Variants in NEGR1 observed in about 807,000 individuals in gnomAD.
NEGR1 encodes the protein neuronal growth regulator 1.
A neutral mutation model predicts 40.9 loss-of-function variants in NEGR1; 10 were observed. That is an observed-to-expected ratio of 0.24 (90% confidence interval 0.15 to 0.42). NEGR1 has a LOEUF of 0.42. Among genes scored for constraint, NEGR1 ranks in the 10% least tolerant of loss-of-function variants. The pLI is 1.00. For missense variants in NEGR1, 352 were observed against 438.9 expected (o/e 0.80, Z 1.77); for synonymous variants, 185 against 166.8 (o/e 1.11, Z -0.84).
intron 2 of NEGR1, among the ~76,000 whole-genome samples, chr1:71,884,233 T>C (rs1660662601): frequency 6.6e-6 from 1 of 152,150 alleles, no homozygotes; most frequent in South Asian, 2.1e-4. Context: ...TTTGTTTTTT[T>C]TCCTTTATTT....
At chr1:72,242,530 CATTT>C (rs1654779069) in intron 1 of NEGR1, among the ~76,000 whole-genome samples, 1 of 151,544 alleles carries the variant, frequency 6.6e-6, no homozygotes, top group Non-Finnish European at 1.5e-5. Context: ...AGCTTTCATT[CATTT>C]ATTCATTTAA....
chr1:71,846,608 C>T (rs1331319764), intron 2 of NEGR1, among the ~76,000 whole-genome samples: 1 of 152,102 alleles, frequency 6.6e-6, no homozygotes. Context: ...CTTTTCTTTA[C>T]CACCCTATAT....
intron 1 of NEGR1, among the ~76,000 whole-genome samples, chr1:72,217,094 T>A: frequency 6.6e-6 from 1 of 151,774 alleles, no homozygotes; most frequent in East Asian, 1.9e-4. Flanking sequence ...ATCCCCAATT[T>A]TAAAATCTTG....
At chr1:72,168,005 A>T (rs867457302) in intron 1 of NEGR1, among the ~76,000 whole-genome samples, 1,704 of 139,656 alleles carry the variant, frequency 0.012, 24 homozygotes, top group Non-Finnish European at 0.021. Flanking sequence ...TATTATTATT[A>T]TTTTTTTTTT....
chr1:71,487,819 T>C (rs192599594), intron 6 of NEGR1, among the ~76,000 whole-genome samples: 1 of 151,936 alleles, frequency 6.6e-6, no homozygotes. Context: ...ATGAAGTTTA[T>C]TGGCTTTTTA....
chr1:71,610,002 A>C (rs1463925744), intron 5 of NEGR1, among the ~76,000 whole-genome samples: 2 of 152,140 alleles, frequency 1.3e-5, no homozygotes, highest in African/African-American at 4.8e-5. Flanking sequence ...CCGCCTAGTG[A>C]AGAAGGAAGT....
intron 3 of NEGR1, among the ~76,000 whole-genome samples, chr1:71,740,269 A>C (rs1290343855): frequency 6.6e-6 from 1 of 152,200 alleles, no homozygotes; most frequent in Non-Finnish European, 1.5e-5. Flanking sequence ...GAATACAGAT[A>C]GTTCTCAGTA....
At chr1:71,764,987 GAGA>G (rs1005225904) in intron 3 of NEGR1, among the ~76,000 whole-genome samples, 4 of 151,812 alleles carry the variant, frequency 2.6e-5, no homozygotes, top group African/African-American at 9.7e-5. Context: ...TGGTTGGACC[GAGA>G]AGAAGCTCCA....
At position 71,894,936 on chromosome 1, in the gene NEGR1, A is replaced by T. The variant is rs114114724; in HGVS notation, c.409+40143T>A. 9.2e-3 allele frequency among the ~76,000 whole-genome samples: 1,384 copies of T among 151,030 alleles called. 21 individuals are homozygous for T. The highest frequency in any genetic ancestry group is 0.031 in the African/African-American group (1,289 of 41,150). On this transcript the variant is annotated intron_variant, in intron 2 of 6. Transcript: ENST00000357731. ...TCCATCTCCAAATTTTTTTTTTTTT[A>T]AAAGGAAGGAAAAGAAAGAATCCAT...
intron 1 of NEGR1, among the ~76,000 whole-genome samples, chr1:72,231,253 T>C (rs1654354282): frequency 6.6e-6 from 1 of 152,192 alleles, no homozygotes; most frequent in African/African-American, 2.4e-5. Flanking sequence ...TCTCCATTTG[T>C]CTTTTTTCAT....
chr1:71,563,150 T>C (rs1648513537), intron 6 of NEGR1, among the ~76,000 whole-genome samples: 1 of 151,984 alleles, frequency 6.6e-6, no homozygotes, highest in Admixed American at 6.6e-5. Context: ...AAAGAGTGCT[T>C]GTTCTCCATG....
chr1:72,256,594 C>A (rs1185157889), intron 1 of NEGR1, among the ~76,000 whole-genome samples: 1 of 152,114 alleles, frequency 6.6e-6, no homozygotes, highest in Non-Finnish European at 1.5e-5. Flanking sequence ...TGTTTCCTAA[C>A]ATGTAATTCA....
At chr1:72,241,619 GA>G (rs1201948377) in intron 1 of NEGR1, among the ~76,000 whole-genome samples, 1 of 151,568 alleles carries the variant, frequency 6.6e-6, no homozygotes, top group Non-Finnish European at 1.5e-5. Context: ...GTTGTGTTGC[GA>G]AAGACCCTGA....
intron 6 of NEGR1, among the ~76,000 whole-genome samples, chr1:71,551,771 C>T (rs1287431099): frequency 6.6e-6 from 1 of 151,448 alleles, no homozygotes; most frequent in Admixed American, 6.6e-5. Context: ...GTCCATTGGT[C>T]ATCCTGGGAA....
At chr1:71,847,543 T>C (rs992916502) in intron 2 of NEGR1, among the ~76,000 whole-genome samples, 1 of 152,198 alleles carries the variant, frequency 6.6e-6, no homozygotes, top group Non-Finnish European at 1.5e-5. Flanking sequence ...GTTACTCTTG[T>C]AATTGTTTTA....
chr1:71,936,314 A>G (rs367630157), intron 1 of NEGR1, among the ~76,000 whole-genome samples: 1 of 152,248 alleles, frequency 6.6e-6, no homozygotes, highest in East Asian at 1.9e-4. Flanking sequence ...TCATTTAGCT[A>G]GCAAACATTT....
At chr1:72,103,940 C>A (rs1314974185) in intron 1 of NEGR1, among the ~76,000 whole-genome samples, 2 of 152,052 alleles carry the variant, frequency 1.3e-5, no homozygotes, top group Non-Finnish European at 2.9e-5. Context: ...TGAAGGATTA[C>A]AAAGTAATAT....
At chr1:71,666,369 T>C (rs1339416965) in intron 4 of NEGR1, among the ~76,000 whole-genome samples, 3 of 152,184 alleles carry the variant, frequency 2.0e-5, no homozygotes, top group African/African-American at 7.2e-5. Context: ...CCCTTGGTTG[T>C]AAATGTGTAA....
chr1:71,947,172 T>A (rs1007868710), intron 1 of NEGR1, among the ~76,000 whole-genome samples: 1 of 148,302 alleles, frequency 6.7e-6, no homozygotes, highest in Non-Finnish European at 1.5e-5. Context: ...ATAGTTAATA[T>A]ATATTATATA....
Sources: allele counts gnomAD v4.1 joint callset (sites outside exome capture counted in the v4.1 genomes callset), GRCh38; gene constraint gnomAD v4.1.1; transcripts MANE v1.5; gene names NCBI Gene and HGNC (gene_info 2026-07-23, HGNC 2026-07-21).